SYT8: variants seen among roughly 807,000 people sequenced by gnomAD.
SYT8 encodes synaptotagmin-8.
SYT8 carries 50 observed loss-of-function variants against 34.9 expected under a neutral mutation model. That is an observed-to-expected ratio of 1.43 (90% CI 1.14 to 1.81). SYT8 has a LOEUF of 1.81. Among genes scored for constraint, SYT8 ranks in the 40% most tolerant of loss-of-function variants. The pLI, the probability that SYT8 is intolerant of heterozygous loss-of-function variation, is 0.00. For missense variants in SYT8, 595 were observed against 529.0 expected, an observed-to-expected ratio of 1.12 and a Z score of -1.22; for synonymous variants, 255 against 234.2, an observed-to-expected ratio of 1.09 and a Z score of -0.81.
Position 1,837,445 on chromosome 11 carries a change from C to T in SYT8, c.*14C>T. ...CCCCACTCCTGAATGCACCACATGC[C>T]TCTGTCTCCCCGCTGAGCCCAGGCA... On this transcript the variant is annotated 3_prime_UTR_variant, in exon 8 of 8. Coordinates refer to ENST00000341958, the MANE Select transcript of SYT8 (RefSeq NM_001394072.1). 1 of 1,602,744 alleles carries T rather than the reference C, an allele frequency of 6.2e-7. No individual in the cohort carries two copies. Among genetic ancestry groups the T allele is most frequent in the East Asian group, 2.2e-5 (1 of 44,750 alleles).
At chr11:1,834,617 GGTGCGTGCTGGGGTAGA>G (rs1277507437), upstream of SYT8, 1 of 1,584,512 alleles carries the variant, frequency 6.3e-7, no homozygotes, top group Non-Finnish European at 8.6e-7. This position sits in a 1 kb window ranked among gnomAD's most constrained non-coding sequence, Gnocchi z 4.5. Context: ...CCCCAGCTGT[GGTGCGTGCTGGGGTAGA>G]GGCAAGGAAG....
chr11:1,835,191 G>C lies in SYT8; in HGVS notation c.86G>C (p.Gly29Ala). 6.2e-7 allele frequency: 1 copy of C among 1,613,256 alleles called. No individual in the cohort carries two copies. The highest frequency in any genetic ancestry group is 8.5e-7 in the Non-Finnish European group (1 of 1,179,870). ...GGGCTTATTCCAGACCTTGTCGCCG[G>C]GACCCCCTGTGAGTTGTGGGATTCC... ...IPGLIPDLVA[G>A]TPWPRWALIA... The change falls in exon 1 of 8, where the codon GGG becomes GCG. Residue 29 changes from glycine to alanine, a missense_variant. Coordinates refer to ENST00000341958, the MANE Select transcript of SYT8 (RefSeq NM_001394072.1).
upstream of SYT8, chr11:1,833,987 C>A (rs1262854874): frequency 6.5e-6 from 1 of 154,234 alleles, no homozygotes; most frequent in Non-Finnish European, 1.4e-5. Flanking sequence ...CTGGGCTGGG[C>A]CCCTGAGGCC....
chr11:1,834,766 T>C (rs1846809717), upstream of SYT8: 3 of 788,668 alleles, frequency 3.8e-6, no homozygotes, highest in African/African-American at 1.8e-5. The surrounding 1 kb of genome is among the most constrained non-coding windows in gnomAD (Gnocchi z 4.5). Flanking sequence ...GGACGCATCC[T>C]ACAGTGGGGG....
At position 1,836,575 on chromosome 11, in the gene SYT8, C is replaced by T. The variant is rs752474276; in HGVS notation, c.667C>T (p.Pro223Ser). ...TCTGGAGCACTGGTACCTGCTGGGC[C>T]CGCCGGCTGCCACTCAGGTGAGGTG... Reference protein sequence around the residue: ...HVLEHWYLLGPPAATQPEQVG... With the variant: ...HVLEHWYLLGSPAATQPEQVG... Residue 223 changes from proline to serine, a missense_variant, in exon 5 of 8, where the codon CCG becomes TCG. Pro to Ser is a moderately conservative substitution (Grantham distance 74, BLOSUM62 -1). Transcript: ENST00000341958. 29 of 1,610,954 alleles carry T rather than the reference C, an allele frequency of 1.8e-5. 1 individual carries two copies. The African/African-American group carries it at 2.4e-4, about 13-fold the overall frequency.
Position 1,837,227 on chromosome 11 carries a change from C to G in SYT8, c.960C>G (p.Ser320Arg). The change falls in exon 8 of 8, where the codon AGC (serine) becomes AGG (arginine). Residue 320 changes from serine (S) to arginine (R), a missense_variant. By Grantham distance (110) the Ser-to-Arg change is moderately radical. Transcript: ENST00000341958. ...VDLVLAVWDR[S>R]LPLRTEPVGK... ...TGGTGCTGGCTGTCTGGGACCGCAG[C>G]CTGCCGCTCCGAACTGAGCCCGTAG... 6.4e-7 allele frequency: 1 copy of G among 1,570,612 alleles called. No individual in the cohort carries two copies. Among genetic ancestry groups the G allele is most frequent in the Non-Finnish European group, 8.6e-7 (1 of 1,160,220 alleles).
rs1207389847 is a variant in SYT8, at chr11:1,836,001, C to A, written c.357+17C>A. 1.2e-6 allele frequency: 2 copies of A among 1,601,410 alleles called. No homozygotes were observed. Among genetic ancestry groups the A allele is most frequent in the Non-Finnish European group, 8.5e-7 (1 of 1,175,080 alleles). On this transcript the variant is annotated intron_variant, in intron 3 of 7. Transcript: ENST00000341958. ...AGCCAGGAGGTGAAGGGCCCCGCTG[C>A]GCAGGACCAGCGGTTCTGCGAGTTT...
rs149381898 is a variant in SYT8, at chr11:1,835,000, C to T, written c.-106C>T. 1.3e-3 allele frequency: 1,544 copies of T among 1,212,510 alleles called. 16 individuals carry two copies. The African/African-American group carries it at 0.021, about 16-fold the overall frequency. The allele number at this position is 1,212,510 out of a possible 1,614,324, so 75.1% of individuals were successfully genotyped here. ...CCTCCTTGCCCTGGCAGACCCAGCA[C>T]TGGCTGCTGCTAGTCAGATGGGGTA... is the stretch of plus-strand genomic sequence containing the variant. On this transcript the variant is annotated 5_prime_UTR_variant, in exon 1 of 8. Transcript: ENST00000341958. This position sits in a 1 kb window ranked among gnomAD's most constrained non-coding sequence, Gnocchi z 4.5.
At position 1,835,279 on chromosome 11, in the gene SYT8, C is replaced by G. The variant is rs1261648287; in HGVS notation, c.95-17C>G. The stretch of plus-strand genomic sequence containing the variant: ...TGCAGCTGTCCACAGATGCACTCAG[C>G]CTGGCCTCTACCCCAGGGCCCCGCT... On this transcript the variant is annotated splice_polypyrimidine_tract_variant and intron_variant, in intron 1 of 7. Coordinates refer to ENST00000341958, the MANE Select transcript of SYT8 (RefSeq NM_001394072.1). 1 of 1,600,602 alleles carries G rather than the reference C, an allele frequency of 6.2e-7. No homozygotes were observed. The highest frequency in any genetic ancestry group is 8.5e-7 in the Non-Finnish European group (1 of 1,171,776).
upstream of SYT8, chr11:1,831,849 A>G (rs1156492160): frequency 2.2e-6 from 1 of 445,600 alleles, no homozygotes; most frequent in East Asian, 7.0e-5. Flanking sequence ...CGGGTGTCTG[A>G]GAGGAAGGCC....
chr11:1,835,584 G>A (rs868835316), intron 2 of SYT8, 125 bp downstream of exon 2: 4 of 1,161,588 alleles, frequency 3.4e-6, no homozygotes, highest in Non-Finnish European at 3.7e-6. Flanking sequence ...GGGCGTTGAG[G>A]ACCTTCCTGG....
At position 1,835,767 on chromosome 11, in the gene SYT8, G is replaced by T. The variant is rs549273191; in HGVS notation, c.259-119G>T. ...GAAGCCGACGATTTGTGCCTGTTGGGTGGCCTGGCCTGGAGGCGGGGGGTC... is the reference window on the plus strand; with the variant it reads ...GAAGCCGACGATTTGTGCCTGTTGGTTGGCCTGGCCTGGAGGCGGGGGGTC... On this transcript the variant is annotated intron_variant, in intron 2 of 7. Transcript: ENST00000341958. 7 of 910,460 alleles carry T rather than the reference G, an allele frequency of 7.7e-6. No individual in the cohort carries two copies. In the South Asian group the frequency reaches 1.0e-4, roughly 13 times the overall value. 56.4% of individuals were successfully genotyped at this position (910,460 alleles called of 1,614,324 possible).
intron 2 of SYT8, 85 bp from the exon 3 acceptor site, chr11:1,835,801 T>C: frequency 8.2e-7 from 1 of 1,215,158 alleles, no homozygotes; most frequent in East Asian, 2.4e-5. Context: ...TCTTGACCCA[T>C]GTCATGCAAG....
upstream of SYT8, chr11:1,834,912 C>T: frequency 1.6e-6 from 1 of 641,552 alleles, no homozygotes; most frequent in Non-Finnish European, 2.7e-6. This position sits in a 1 kb window ranked among gnomAD's most constrained non-coding sequence, Gnocchi z 4.5. Context: ...GGCCAGGGTC[C>T]AGAGCCTCCC....
Position 1,837,023 on chromosome 11 carries a change from A to G in SYT8, c.857A>G (p.Lys286Arg), listed in dbSNP as rs376805920. ...RKWKKRKTAT[K>R]KGTAAPYFNE... ...TGGAAGAAGAGAAAGACAGCCACCAAAAAGGGCACGGCGGCCCCCTACTTC... is the reference window on the plus strand; with the variant it reads ...TGGAAGAAGAGAAAGACAGCCACCAGAAAGGGCACGGCGGCCCCCTACTTC... Residue 286 changes from lysine to arginine, a missense_variant, in exon 7 of 8, where the codon AAA becomes AGA. Transcript: ENST00000341958. 17 of 1,613,740 alleles carry G rather than the reference A, an allele frequency of 1.1e-5. No homozygotes were observed. In the African/African-American group the frequency reaches 2.0e-4, roughly 19 times the overall value.
In SYT8 at chr11:1,836,800, C is replaced by T; in HGVS notation, c.729C>T (p.Pro243=). 1 of 1,611,180 alleles carries T rather than the reference C, an allele frequency of 6.2e-7. No homozygotes were observed. The highest frequency in any genetic ancestry group is 1.3e-5 in the African/African-American group (1 of 75,070). ...TGTGCTTCTCTCTCCGGTACGTGCC[C>T]AGCTCAGGCCGGCTGACCGTGGTGG... The part of the protein sequence containing the change: ...GELCFSLRYV[P]SSGRLTVVVL... The change falls in exon 6 of 8, where the codon CCC becomes CCT. Residue 243 remains proline (P), a synonymous_variant. Transcript: ENST00000341958.
upstream of SYT8, chr11:1,831,989 G>A (rs1846684708): frequency 8.5e-6 from 3 of 354,576 alleles, no homozygotes; most frequent in South Asian, 6.2e-5. Context: ...GTGTTCCCAC[G>A]GAAGCAGAAA....
chr11:1,833,111 C>T (rs921352217), upstream of SYT8, among the ~76,000 whole-genome samples: 1 of 152,202 alleles, frequency 6.6e-6, no homozygotes, highest in African/African-American at 2.4e-5. Flanking sequence ...GAGGCAGTGG[C>T]CTGTTTGAAT....
Position 1,837,227 on chromosome 11 carries a change from C to T in SYT8, c.960C>T (p.Ser320=), listed in dbSNP as rs774908594. 3 of 1,570,612 alleles carry T rather than the reference C, an allele frequency of 1.9e-6. No homozygotes were observed. Among genetic ancestry groups the T allele is most frequent in the Non-Finnish European group, 2.6e-6 (3 of 1,160,220 alleles). The part of the protein sequence containing the change: ...VDLVLAVWDR[S]LPLRTEPVGK... ...TGGTGCTGGCTGTCTGGGACCGCAG[C>T]CTGCCGCTCCGAACTGAGCCCGTAG... The change falls in exon 8 of 8, where the codon AGC becomes AGT. Residue 320 remains serine (S), a synonymous_variant. Transcript: ENST00000341958.
Sources: allele counts gnomAD v4.1 joint callset (sites outside exome capture counted in the v4.1 genomes callset), GRCh38; gene constraint gnomAD v4.1.1; non-coding constraint Gnocchi (gnomAD v3.1); transcripts MANE v1.5; gene names NCBI Gene and HGNC (gene_info 2026-07-23, HGNC 2026-07-21).